PPP3CB: variants seen among roughly 807,000 people sequenced by gnomAD.
PPP3CB encodes the protein serine/threonine-protein phosphatase 2B catalytic subunit beta isoform.
PPP3CB carries 8 observed loss-of-function variants against 66.4 expected under a neutral mutation model. The observed-to-expected ratio is 0.12, with a 90% confidence interval of 0.07 to 0.22. The LOEUF (loss-of-function observed/expected upper bound fraction) is 0.22. PPP3CB is among the 10% of genes least tolerant of loss of function. PPP3CB has a pLI of 1.00. For missense variants in PPP3CB, 319 were observed against 642.5 expected (o/e 0.50, Z 5.44); for synonymous variants, 208 against 221.2 (o/e 0.94, Z 0.53).
Position 73,454,400 on chromosome 10 carries a change from G to A in PPP3CB, c.1186+12C>T, listed in dbSNP as rs2132829735. The A allele has an allele frequency of 6.3e-7, 1 of 1,582,070 alleles. No homozygotes were observed. Among genetic ancestry groups the A allele is most frequent in the South Asian group, 1.1e-5 (1 of 88,808 alleles). The stretch of plus-strand genomic sequence containing the variant: ...ACAGTAAAAAAAAAAATAGTAAGAT[G>A]AATAATCATACCATCAAACTGGTCT... On this transcript the variant is annotated intron_variant, in intron 10 of 13. Coordinates refer to ENST00000360663, the MANE Select transcript of PPP3CB (RefSeq NM_021132.4).
intron 9 of PPP3CB, among the ~76,000 whole-genome samples, chr10:73,466,714 C>T (rs1191051344): frequency 6.6e-6 from 1 of 152,084 alleles, no homozygotes; most frequent in Non-Finnish European, 1.5e-5. Flanking sequence ...TACAAATTGC[C>T]TTGGCAGAAG....
At chr10:73,484,522 C>T (rs1045745069) in intron 1 of PPP3CB, among the ~76,000 whole-genome samples, 5 of 151,466 alleles carry the variant, frequency 3.3e-5, no homozygotes, top group South Asian at 2.1e-4. Flanking sequence ...CTGCCCGCCT[C>T]GGCCTCCCAA....
intron 4 of PPP3CB, 137 bp downstream of exon 4, chr10:73,474,782 A>C: frequency 1.5e-6 from 2 of 1,313,768 alleles, no homozygotes; most frequent in South Asian, 3.4e-5. Flanking sequence ...GTGCTCGACA[A>C]CTTTCCTCAA....
At position 73,443,278 on chromosome 10, in the gene PPP3CB, A is replaced by AGAC. The variant is rs1564547003; in HGVS notation, c.1366+1446_1366+1447insGTC. Among the ~76,000 whole-genome samples, 490 of 103,238 alleles carry AGAC rather than the reference A, an allele frequency of 4.7e-3. 6 individuals are homozygous for AGAC. Among genetic ancestry groups the AGAC allele is most frequent in the African/African-American group, 0.018 (471 of 26,542 alleles). 67.7% of individuals were successfully genotyped at this position (103,238 alleles called of 152,430 possible). A position where few individuals can be genotyped will look rare whatever the true frequency, so the allele number is the denominator to read the frequency against. On this transcript the variant is annotated intron_variant, in intron 12 of 13. Coordinates refer to ENST00000360663, the MANE Select transcript of PPP3CB (RefSeq NM_021132.4). ...AGAGAGAGAGAGAGAGAAAGAAAGAAAGAAAGACAGAAAGAAAGAAAGAAA... is the reference window on the plus strand; with the variant it reads ...AGAGAGAGAGAGAGAGAAAGAAAGAAGACAGAAAGACAGAAAGAAAGAAAGAAA...
Position 73,471,507 on chromosome 10 carries a change from T to C in PPP3CB, c.630A>G (p.Gly210=), listed in dbSNP as rs1443569987. 6.2e-7 allele frequency: 1 copy of C among 1,611,886 alleles called. No homozygotes were observed. The highest frequency in any genetic ancestry group is 8.5e-7 in the Non-Finnish European group (1 of 1,179,062). The change falls in exon 5 of 14, where the codon GGA becomes GGG. Residue 210 remains glycine (G), a synonymous_variant. Transcript: ENST00000360663. The part of the protein sequence containing the change: ...LNQQFLCVHG[G]LSPEIHTLDD... ...CCAGTGTGTGTATTTCTGGTGAAAG[T>C]CCACCATGAACACAAAGAAACTGTT... is the stretch of plus-strand genomic sequence containing the variant.
intron 3 of PPP3CB, chr10:73,477,258 T>C (rs778556290): frequency 1.9e-6 from 1 of 515,370 alleles, no homozygotes; most frequent in Non-Finnish European, 3.9e-6. Context: ...TGGTAGAAAT[T>C]TGACCCCACA....
intron 3 of PPP3CB, among the ~76,000 whole-genome samples, chr10:73,476,620 T>TAAAA (rs1296984557): frequency 8.2e-6 from 1 of 122,274 alleles, no homozygotes; most frequent in Non-Finnish European, 1.8e-5. Context: ...CCATCTCAAT[T>TAAAA]AAAAAAAAAA....
chr10:73,454,250 T>C (rs1053827910), intron 10 of PPP3CB, among the ~76,000 whole-genome samples, 162 bp downstream of exon 10: 1 of 152,172 alleles, frequency 6.6e-6, no homozygotes, highest in Non-Finnish European at 1.5e-5. Flanking sequence ...ACTGAAATTA[T>C]TTTCAAATCT....
chr10:73,445,790 C>T (rs1169893830), intron 11 of PPP3CB, among the ~76,000 whole-genome samples: 1 of 150,842 alleles, frequency 6.6e-6, no homozygotes, highest in Non-Finnish European at 1.5e-5. Flanking sequence ...ACTCTGTCAC[C>T]CAGGCTGGAG....
At chr10:73,469,075 T>TA (rs1040004609) in intron 8 of PPP3CB, among the ~76,000 whole-genome samples, 13 of 152,140 alleles carry the variant, frequency 8.5e-5, no homozygotes, top group East Asian at 5.8e-4. Flanking sequence ...TTCTAAGTGC[T>TA]AAAAAAAATC....
chr10:73,443,278 A>AGACAGAC (rs1564547003), intron 12 of PPP3CB, among the ~76,000 whole-genome samples: 1 of 103,176 alleles, frequency 9.7e-6, no homozygotes, highest in African/African-American at 3.8e-5. Context: ...GAAAGAAAGA[A>AGACAGAC]AGAAAGACAG....
At chr10:73,487,588 A>AAAAAAC (rs1564570363) in intron 1 of PPP3CB, among the ~76,000 whole-genome samples, 1 of 148,950 alleles carries the variant, frequency 6.7e-6, no homozygotes, top group African/African-American at 2.5e-5. Flanking sequence ...AAAAAAACAA[A>AAAAAAC]CAGGAAAAAC....
intron 9 of PPP3CB, among the ~76,000 whole-genome samples, chr10:73,459,024 C>T (rs931412713): frequency 4.6e-5 from 7 of 151,732 alleles, no homozygotes; most frequent in Non-Finnish European, 5.9e-5. Flanking sequence ...GAGCCGAGAT[C>T]GCACCATTGC....
chr10:73,466,777 A>G (rs1431169443), intron 9 of PPP3CB, among the ~76,000 whole-genome samples: 1 of 152,180 alleles, frequency 6.6e-6, no homozygotes, highest in Non-Finnish European at 1.5e-5. Context: ...AGGTGAGAAA[A>G]AATAGAGGGG....
rs1481321345 is a variant in PPP3CB, at chr10:73,437,947, C to T, written c.*295G>A. On this transcript the variant is annotated 3_prime_UTR_variant, in exon 14 of 14. Coordinates refer to ENST00000360663, the MANE Select transcript of PPP3CB (RefSeq NM_021132.4). ...GGGGAAAAGAAATCTGATTTGTAAA[C>T]TTAAATGTGTGAACCACAAGCATAA... The T allele has an allele frequency of 3.6e-6, 1 of 280,522 alleles. No homozygotes were observed. The highest frequency in any genetic ancestry group is 1.4e-4 in the South Asian group (1 of 6,954). The allele number at this position is 280,522 out of a possible 1,614,324, so 17.4% of individuals were successfully genotyped here. A position where few individuals can be genotyped will look rare whatever the true frequency, so the allele number is the denominator to read the frequency against.
chr10:73,452,127 TCTCA>T (rs1265637314), intron 10 of PPP3CB, among the ~76,000 whole-genome samples: 2 of 152,062 alleles, frequency 1.3e-5, no homozygotes, highest in African/African-American at 2.4e-5. Context: ...CAATTAAAAC[TCTCA>T]CTAAATATTT....
chr10:73,483,560 G>A (rs997192909), intron 1 of PPP3CB, among the ~76,000 whole-genome samples: 2 of 152,150 alleles, frequency 1.3e-5, no homozygotes, highest in Non-Finnish European at 2.9e-5. Flanking sequence ...AGGAGGCTGA[G>A]GCAGGAGAAT....
chr10:73,437,992 T>C lies in PPP3CB; in HGVS notation c.*250A>G. The C allele has an allele frequency of 2.7e-6, 1 of 375,144 alleles. No homozygotes were observed. The highest frequency in any genetic ancestry group is 4.7e-6 in the Non-Finnish European group (1 of 211,884). 23.2% of individuals were successfully genotyped at this position (375,144 alleles called of 1,614,324 possible). A position where few individuals can be genotyped will look rare whatever the true frequency, so the allele number is the denominator to read the frequency against. On this transcript the variant is annotated 3_prime_UTR_variant, in exon 14 of 14. Transcript: ENST00000360663. ...GCATAAAATGGAGGTGTGGATGCCC[T>C]CCACTGGAAATTGCCCCAAGCCCCT... is the stretch of plus-strand genomic sequence containing the variant.
intron 10 of PPP3CB, among the ~76,000 whole-genome samples, chr10:73,450,289 G>A (rs776077320): frequency 6.6e-6 from 1 of 152,208 alleles, no homozygotes; most frequent in African/African-American, 2.4e-5. Flanking sequence ...TGTAGGAAAA[G>A]AGGAAGGAGA....
Sources: allele counts gnomAD v4.1 joint callset (sites outside exome capture counted in the v4.1 genomes callset), GRCh38; gene constraint gnomAD v4.1.1; transcripts MANE v1.5; gene names NCBI Gene and HGNC (gene_info 2026-07-23, HGNC 2026-07-21).